Variants in ZCCHC10 observed in about 807,000 individuals in gnomAD.
The protein encoded by ZCCHC10 is zinc finger CCHC domain-containing protein 10.
In ZCCHC10, 16 loss-of-function variants were observed where a neutral mutation model predicts 19.5. The observed-to-expected ratio is 0.82, with a 90% confidence interval of 0.56 to 1.25. The LOEUF is 1.25. Among genes scored for constraint, ZCCHC10 ranks in the 50% most tolerant of loss-of-function variants. The pLI is 0.00. For missense variants in ZCCHC10, 197 were observed against 201.0 expected (o/e 0.98, Z 0.12); for synonymous variants, 67 against 72.5 (o/e 0.92, Z 0.38).
intron 2 of ZCCHC10, among the ~76,000 whole-genome samples, chr5:133,015,077 G>GTTTTT (rs35057432): frequency 3.8e-4 from 49 of 128,778 alleles, no homozygotes; most frequent in African/African-American, 1.4e-3. Flanking sequence ...CCACTGTGAG[G>GTTTTT]TTTTTTTTTT....
chr5:133,014,979 C>T (rs958994401), intron 2 of ZCCHC10, among the ~76,000 whole-genome samples: 3 of 152,058 alleles, frequency 2.0e-5, no homozygotes, highest in Admixed American at 6.6e-5. Flanking sequence ...TCATTGTATC[C>T]TATCAGGTTA....
Position 133,021,799 on chromosome 5 carries a change from C to CTT in ZCCHC10, c.107+1040_107+1041dup, listed in dbSNP as rs35549614. On this transcript the variant is annotated intron_variant, in intron 2 of 4. Transcript: ENST00000509437. ...AGCTTACTACAATTTTACTTTATAA[C>CTT]TTTTTTTTTTTTGAAACAGAGTCTT... Among the ~76,000 whole-genome samples the CTT allele has an allele frequency of 1.6e-3, 237 of 147,696 alleles. 2 individuals are homozygous for CTT. In the Middle Eastern group the frequency reaches 0.021, roughly 13 times the overall value.
intron 2 of ZCCHC10, among the ~76,000 whole-genome samples, chr5:133,013,429 A>G (rs1763706152): frequency 6.6e-6 from 1 of 152,154 alleles, no homozygotes; most frequent in African/African-American, 2.4e-5. Flanking sequence ...TAGCAAAGAT[A>G]TGTAGCAAAA....
In ZCCHC10 at chr5:132,998,803, G is replaced by T; in HGVS notation, c.359C>A (p.Ala120Asp). The T allele has an allele frequency of 6.2e-7, 1 of 1,614,156 alleles. No homozygotes were observed. Among genetic ancestry groups the T allele is most frequent in the South Asian group, 1.1e-5 (1 of 91,070 alleles). The change falls in exon 5 of 5, where the codon GCC (alanine) becomes GAC (aspartate). Residue 120 changes from alanine (A) to aspartate (D), a missense_variant. By Grantham distance (126) the Ala-to-Asp change is moderately radical. Transcript: ENST00000509437. ...SSSSSSSDSS[A>D]SDSSSESEET... ...TTCACTCTCTGATGAAGAATCACTG[G>T]CAGAACTGTCACTGCTACTGCTACT... is the stretch of plus-strand genomic sequence containing the variant.
At chr5:133,021,959 A>G (rs1051790758) in intron 2 of ZCCHC10, among the ~76,000 whole-genome samples, 12 of 151,836 alleles carry the variant, frequency 7.9e-5, no homozygotes, top group Non-Finnish European at 1.8e-4. Context: ...ACACCTGGCT[A>G]ATTTTTTGTA....
chr5:133,001,486 T>C (rs929529438), intron 3 of ZCCHC10, among the ~76,000 whole-genome samples: 1 of 152,020 alleles, frequency 6.6e-6, no homozygotes, highest in Non-Finnish European at 1.5e-5. Flanking sequence ...CTTTTTGAGA[T>C]AGGGTCTCAC....
At chr5:133,018,474 A>G (rs1764075901) in intron 2 of ZCCHC10, among the ~76,000 whole-genome samples, 1 of 151,846 alleles carries the variant, frequency 6.6e-6, no homozygotes. Context: ...ATCTCGGTTC[A>G]CTGCAACCTC....
chr5:133,008,937 C>T (rs1367194100), intron 2 of ZCCHC10, among the ~76,000 whole-genome samples: 2 of 152,020 alleles, frequency 1.3e-5, no homozygotes, highest in Admixed American at 6.6e-5. Context: ...CAATTGAGCC[C>T]AGGAGTTTGA....
At chr5:133,014,623 C>T (rs777376243) in intron 2 of ZCCHC10, among the ~76,000 whole-genome samples, 9 of 152,212 alleles carry the variant, frequency 5.9e-5, no homozygotes, top group Non-Finnish European at 1.3e-4. Flanking sequence ...GATCTTGACA[C>T]TTTTAGAAGA....
intron 1 of ZCCHC10, 42 bp downstream of exon 1, chr5:133,026,455 G>C: frequency 6.2e-7 from 1 of 1,609,372 alleles, no homozygotes; most frequent in Admixed American, 1.7e-5. Flanking sequence ...GCGTTTCCCC[G>C]CTCCCAGCCC....
rs192254113 is a variant in ZCCHC10, at chr5:133,009,726, A to T, written c.108-2806T>A. On this transcript the variant is annotated intron_variant, in intron 2 of 4. Coordinates refer to ENST00000509437, the MANE Select transcript of ZCCHC10 (RefSeq NM_001300816.3). ...GTCTGTCCATCGCAACAGGGTAAGCATCACATATTACAAGCTAGGGAGATA... is the reference window on the plus strand; with the variant it reads ...GTCTGTCCATCGCAACAGGGTAAGCTTCACATATTACAAGCTAGGGAGATA... Among the ~76,000 whole-genome samples, 12 of 152,110 alleles carry T rather than the reference A, an allele frequency of 7.9e-5. 1 individual carries two copies. Among genetic ancestry groups the T allele is most frequent in the Admixed American group, 7.9e-4 (12 of 15,238 alleles).
At chr5:133,003,634 G>T (rs1762916501) in intron 3 of ZCCHC10, among the ~76,000 whole-genome samples, 1 of 152,242 alleles carries the variant, frequency 6.6e-6, no homozygotes, top group East Asian at 1.9e-4. Context: ...GGGATTACAG[G>T]CATGAGCCAC....
At chr5:133,012,824 G>A (rs1008464670) in intron 2 of ZCCHC10, among the ~76,000 whole-genome samples, 1 of 152,088 alleles carries the variant, frequency 6.6e-6, no homozygotes, top group Non-Finnish European at 1.5e-5. Flanking sequence ...GCCGAGGTGG[G>A]CGGATTACAA....
chr5:133,021,647 A>G (rs903220241), intron 2 of ZCCHC10, among the ~76,000 whole-genome samples: 1 of 152,196 alleles, frequency 6.6e-6, no homozygotes, highest in Non-Finnish European at 1.5e-5. Flanking sequence ...TCAGAGGACT[A>G]ACACGTGGAT....
In ZCCHC10 at chr5:132,998,349, T is replaced by G; in HGVS notation, c.*234A>C. On this transcript the variant is annotated 3_prime_UTR_variant, in exon 5 of 5. Coordinates refer to ENST00000509437, the MANE Select transcript of ZCCHC10 (RefSeq NM_001300816.3). ...CAGATTTGCAGATTTCAGCTTTAAG[T>G]TCTAGAGATATATTTTAAAGATAAA... is the stretch of plus-strand genomic sequence containing the variant. The G allele has an allele frequency of 2.4e-6, 1 of 413,360 alleles. No individual in the cohort carries two copies. 25.6% of individuals were successfully genotyped at this position (413,360 alleles called of 1,614,324 possible).
chr5:133,005,251 G>A (rs747405546), intron 3 of ZCCHC10, among the ~76,000 whole-genome samples: 2 of 151,704 alleles, frequency 1.3e-5, no homozygotes, highest in African/African-American at 4.8e-5. Flanking sequence ...AGCTGAGATC[G>A]CACCACTGCA....
chr5:133,021,072 A>G (rs986008662), intron 2 of ZCCHC10, among the ~76,000 whole-genome samples: 2 of 152,014 alleles, frequency 1.3e-5, no homozygotes, highest in African/African-American at 4.8e-5. Flanking sequence ...AATTTTTTGT[A>G]TTTTTAGTAG....
chr5:133,019,333 G>C (rs1764140020), intron 2 of ZCCHC10: 1 of 218,962 alleles, frequency 4.6e-6, no homozygotes, highest in Admixed American at 5.7e-5. Context: ...AAAGATTGCT[G>C]AGTTAGACAA....
chr5:133,002,137 A>G (rs558591572), intron 3 of ZCCHC10, among the ~76,000 whole-genome samples: 10 of 150,394 alleles, frequency 6.6e-5, no homozygotes, highest in African/African-American at 2.2e-4. Context: ...ATTTTTTTGT[A>G]TTTTTAGTAG....
Sources: allele counts gnomAD v4.1 joint callset (sites outside exome capture counted in the v4.1 genomes callset), GRCh38; gene constraint gnomAD v4.1.1; transcripts MANE v1.5; gene names NCBI Gene and HGNC (gene_info 2026-07-23, HGNC 2026-07-21).